Variants in WWOX observed in about 807,000 individuals in gnomAD.
WWOX encodes the protein WW domain-containing oxidoreductase.
Under a neutral mutation model 46.2 loss-of-function variants are expected in WWOX, and 69 were observed. The observed-to-expected ratio is 1.49, with a 90% CI of 1.23 to 1.82. WWOX has a LOEUF of 1.82. Ranked by LOEUF, WWOX falls within the 40% of genes most tolerant of loss-of-function variation. The pLI, the probability that WWOX is intolerant of heterozygous loss-of-function variation, is 0.00. For synonymous variants in WWOX, 359 were observed against 202.6 expected, an observed-to-expected ratio of 1.77 and a Z score of -6.56; for missense variants, 919 against 542.6, an observed-to-expected ratio of 1.69 and a Z score of -6.89.
chr16:78,521,423 A>C (rs1487502325), intron 8 of WWOX, among the ~76,000 whole-genome samples: 1 of 152,060 alleles, frequency 6.6e-6, no homozygotes, highest in Non-Finnish European at 1.5e-5. Context: ...GAATATCAGA[A>C]ACAGAGATGA....
chr16:78,757,159 A>G, intron 8 of WWOX: 1 of 616,846 alleles, frequency 1.6e-6, no homozygotes. Context: ...TTTCTGCACC[A>G]CAGAAATTCT....
At position 78,643,427 on chromosome 16, in the gene WWOX, T is replaced by C. The variant is rs547941682; in HGVS notation, c.1056+210675T>C. The stretch of plus-strand genomic sequence containing the variant: ...GACAGTGCCGGGGCTTGAACCCCTG[T>C]CTCTGTGTCTCCCAGCTCATAAGGT... On this transcript the variant is annotated intron_variant, in intron 8 of 8. Transcript: ENST00000566780. Among the ~76,000 whole-genome samples, 6 of 152,254 alleles carry C rather than the reference T, an allele frequency of 3.9e-5. No individual in the cohort carries two copies. In the South Asian group the frequency reaches 8.3e-4, roughly 21 times the overall value.
intron 8 of WWOX, among the ~76,000 whole-genome samples, chr16:79,037,426 C>T (rs1327798938): frequency 2.0e-5 from 3 of 152,074 alleles, no homozygotes; most frequent in Non-Finnish European, 2.9e-5. Context: ...ATGCTGTATG[C>T]TGGGTACTAG....
At chr16:79,085,977 C>T (rs1196359231) in intron 8 of WWOX, among the ~76,000 whole-genome samples, 1 of 152,154 alleles carries the variant, frequency 6.6e-6, no homozygotes, top group East Asian at 1.9e-4. Context: ...GAGGCTGAGG[C>T]AGGAGGATCG....
chr16:79,144,926 T>G (rs914573430), intron 8 of WWOX, among the ~76,000 whole-genome samples: 1 of 152,188 alleles, frequency 6.6e-6, no homozygotes, highest in South Asian at 2.1e-4. Context: ...TAGGTATGTA[T>G]GTATAGGAAG....
At chr16:78,367,083 C>T (rs1330717150) in intron 5 of WWOX, among the ~76,000 whole-genome samples, 1 of 149,126 alleles carries the variant, frequency 6.7e-6, no homozygotes, top group African/African-American at 2.5e-5. Context: ...AGGTTTACGC[C>T]ATTCTCCTGC....
chr16:78,499,980 A>T (rs1375104718), intron 8 of WWOX, among the ~76,000 whole-genome samples: 2 of 152,204 alleles, frequency 1.3e-5, no homozygotes, highest in African/African-American at 4.8e-5. Context: ...CTCATTTTGA[A>T]TCTTTAAAGA....
chr16:78,995,436 C>A (rs1046906472), intron 8 of WWOX, among the ~76,000 whole-genome samples: 38 of 152,144 alleles, frequency 2.5e-4, no homozygotes, highest in Middle Eastern at 3.4e-3. Flanking sequence ...TGTCCTCAGC[C>A]GTAAGAAAGA....
chr16:78,952,522 A>G (rs1481576710), intron 8 of WWOX, among the ~76,000 whole-genome samples: 1 of 151,602 alleles, frequency 6.6e-6, no homozygotes, highest in East Asian at 1.9e-4. Context: ...AGCTGGGATT[A>G]CAGGCATGTA....
intron 4 of WWOX, among the ~76,000 whole-genome samples, chr16:78,129,429 G>A (rs1366529556): frequency 2.0e-5 from 3 of 152,168 alleles, no homozygotes; most frequent in East Asian, 1.9e-4. Flanking sequence ...ATAACACAGT[G>A]TTAAGTATTT....
chr16:78,655,947 G>A (rs1035335413), intron 8 of WWOX, among the ~76,000 whole-genome samples: 1 of 152,100 alleles, frequency 6.6e-6, no homozygotes, highest in Non-Finnish European at 1.5e-5. Flanking sequence ...AATCCACAAT[G>A]CACAGCCTGG....
chr16:78,141,882 A>G (rs554525143), intron 4 of WWOX, among the ~76,000 whole-genome samples: 3 of 152,238 alleles, frequency 2.0e-5, no homozygotes, highest in East Asian at 3.9e-4. Context: ...TCAGTTACTG[A>G]CAGCCTGTCA....
intron 8 of WWOX, among the ~76,000 whole-genome samples, chr16:78,633,984 C>T (rs550357917): frequency 6.6e-6 from 1 of 151,654 alleles, no homozygotes; most frequent in East Asian, 1.9e-4. Flanking sequence ...TTAGTCTGAG[C>T]CCCTAGAGAG....
chr16:78,776,331 G>A (rs2050189388), intron 8 of WWOX, among the ~76,000 whole-genome samples: 1 of 152,070 alleles, frequency 6.6e-6, no homozygotes, highest in Non-Finnish European at 1.5e-5. Flanking sequence ...TAGGACCTTG[G>A]CATCTCGTGC....
chr16:78,746,484 T>C (rs2049349695), intron 8 of WWOX, among the ~76,000 whole-genome samples: 2 of 152,098 alleles, frequency 1.3e-5, no homozygotes, highest in Admixed American at 1.3e-4. Context: ...CTCCAGGACT[T>C]TAGGCCTGCT....
chr16:78,697,504 C>T (rs766192908), intron 8 of WWOX, among the ~76,000 whole-genome samples: 4 of 152,136 alleles, frequency 2.6e-5, no homozygotes, highest in African/African-American at 4.8e-5. Context: ...CAAATCTATA[C>T]GTCTATACAA....
chr16:78,775,238 G>A (rs746612657), intron 8 of WWOX, among the ~76,000 whole-genome samples: 15 of 152,074 alleles, frequency 9.9e-5, no homozygotes, highest in Admixed American at 4.6e-4. Flanking sequence ...TATTCAGCCC[G>A]GCCAATAATA....
intron 6 of WWOX, among the ~76,000 whole-genome samples, chr16:78,402,944 C>A (rs2082447142): frequency 6.6e-6 from 1 of 152,160 alleles, no homozygotes; most frequent in Admixed American, 6.5e-5. Flanking sequence ...GGTTGTATTT[C>A]TTCATTAGCT....
chr16:78,415,214 C>A (rs1053988519), intron 6 of WWOX, among the ~76,000 whole-genome samples: 3 of 151,754 alleles, frequency 2.0e-5, no homozygotes, highest in Non-Finnish European at 4.4e-5. Flanking sequence ...CCTTTTTAGA[C>A]CATATAGGGT....
Sources: gnomAD v4.1 joint callset for allele counts (sites outside exome capture counted in the v4.1 genomes callset) on GRCh38, gnomAD v4.1.1 for gene constraint, MANE v1.5 for transcripts, NCBI Gene and HGNC (gene_info 2026-07-23, HGNC 2026-07-21) for gene names.